Variants in NAV2 observed in about 807,000 individuals in gnomAD.
NAV2 encodes neuron navigator 2.
NAV2 carries 54 observed loss-of-function variants against 223.2 expected under a neutral mutation model. The ratio of observed to expected loss-of-function variants is 0.24; its 90% CI spans 0.19 to 0.30. NAV2 has a LOEUF of 0.30. Ranked by LOEUF, NAV2 falls within the 10% of genes least tolerant of loss-of-function variation. The pLI is 1.00. For synonymous variants in NAV2, 1,279 were observed against 1,239.3 expected (o/e 1.03, Z -0.67); for missense variants, 2,806 against 3,147.5 (o/e 0.89, Z 2.60).
At chr11:20,052,551 A>G (rs917071427) in intron 17 of NAV2, among the ~76,000 whole-genome samples, 5 of 152,214 alleles carry the variant, frequency 3.3e-5, no homozygotes, top group Admixed American at 2.0e-4. Context: ...GAGAAAGCTA[A>G]CTTCTAAATG....
intron 4 of NAV2, among the ~76,000 whole-genome samples, chr11:19,875,165 C>A (rs1269906104): frequency 6.6e-6 from 1 of 152,164 alleles, no homozygotes; most frequent in African/African-American, 2.4e-5. Flanking sequence ...TCAAAACGAA[C>A]AAAACTAGAT....
At chr11:19,546,413 C>T (rs1295725910) in intron 1 of NAV2, among the ~76,000 whole-genome samples, 1 of 152,218 alleles carries the variant, frequency 6.6e-6, no homozygotes, top group Admixed American at 6.5e-5. Flanking sequence ...GCCCAGATGG[C>T]AGAGGCTGAG....
intron 1 of NAV2, among the ~76,000 whole-genome samples, chr11:19,636,913 A>G (rs1322247217): frequency 6.6e-6 from 1 of 152,218 alleles, no homozygotes. Context: ...TGTGATAATG[A>G]GTTTCCTCTT....
chr11:20,077,951 A>G, intron 23 of NAV2, 42 bp from the exon 24 acceptor site: 1 of 1,503,750 alleles, frequency 6.7e-7, no homozygotes, highest in Non-Finnish European at 9.2e-7. Flanking sequence ...AACTCTGTAC[A>G]GAATGATTTT....
intron 12 of NAV2, among the ~76,000 whole-genome samples, chr11:20,038,224 G>A (rs1227489323): frequency 1.3e-5 from 2 of 152,126 alleles, no homozygotes; most frequent in South Asian, 4.1e-4. Flanking sequence ...CTTTCATCTT[G>A]TAAATGTCAC....
At chr11:19,858,097 C>T (rs754151821) in intron 3 of NAV2, among the ~76,000 whole-genome samples, 5 of 152,196 alleles carry the variant, frequency 3.3e-5, no homozygotes, top group Non-Finnish European at 7.3e-5. Context: ...ACCTTGTGAT[C>T]CACCTGCCTT....
intron 6 of NAV2, among the ~76,000 whole-genome samples, chr11:19,915,318 G>T (rs1350260594): frequency 2.6e-5 from 4 of 152,200 alleles, no homozygotes; most frequent in Non-Finnish European, 5.9e-5. Context: ...TGAGAAGAGG[G>T]AAATTGTAGC....
intron 11 of NAV2, among the ~76,000 whole-genome samples, chr11:19,999,513 C>T (rs540174165): frequency 2.0e-5 from 3 of 152,280 alleles, no homozygotes; most frequent in East Asian, 3.9e-4. Context: ...GGATTACAGG[C>T]ACCCGCCACC....
chr11:19,442,060 G>T (rs1283573268), intron 1 of NAV2, among the ~76,000 whole-genome samples: 1 of 152,208 alleles, frequency 6.6e-6, no homozygotes, highest in Non-Finnish European at 1.5e-5. Context: ...GGGCTGCTTG[G>T]GAACCACTGG....
rs759047624 is a variant in NAV2 at position 20,044,185 on chromosome 11, C to T, written c.3112C>T (p.Arg1038Trp). 21 of 1,614,160 alleles carry T rather than the reference C, an allele frequency of 1.3e-5. No individual in the cohort carries two copies. The highest frequency in any genetic ancestry group is 1.6e-5 in the Non-Finnish European group (19 of 1,180,010). ...NPVISQTGSW[R>W]RGMTAQVGIT... is the part of the protein sequence containing the mutation. ...TGTCATCTCCCAGACAGGCTCATGG[C>T]GGCGAGGCATGACAGCTCAGGTGGG... The change falls in exon 13 of 38, where the codon CGG (arginine) becomes TGG (tryptophan). Residue 1038 changes from arginine to tryptophan, a missense_variant. Physicochemically the swap from Arg to Trp is moderately radical, Grantham distance 101. Coordinates refer to ENST00000349880, the MANE Select transcript of NAV2 (RefSeq NM_145117.5).
chr11:20,018,807 T>A (rs1032312996), intron 11 of NAV2, among the ~76,000 whole-genome samples: 1 of 152,172 alleles, frequency 6.6e-6, no homozygotes, highest in Non-Finnish European at 1.5e-5. Flanking sequence ...TGGAATGTAA[T>A]TGGGCCAGAG....
chr11:19,794,346 A>G (rs1304925564), intron 1 of NAV2, among the ~76,000 whole-genome samples: 1 of 152,142 alleles, frequency 6.6e-6, no homozygotes, highest in Non-Finnish European at 1.5e-5. Context: ...GTTATAATGT[A>G]TCATCTTTCT....
chr11:19,381,326 C>T (rs538469021), intron 1 of NAV2, among the ~76,000 whole-genome samples: 1 of 152,204 alleles, frequency 6.6e-6, no homozygotes, highest in Non-Finnish European at 1.5e-5. Flanking sequence ...GACCCTAGCA[C>T]AGTCACTGGA....
chr11:19,980,409 A>G (rs965881036), intron 10 of NAV2, among the ~76,000 whole-genome samples: 10 of 152,182 alleles, frequency 6.6e-5, no homozygotes, highest in African/African-American at 2.4e-4. Context: ...AAGGAGAAGG[A>G]AAGTGTGGCA....
intron 19 of NAV2, among the ~76,000 whole-genome samples, chr11:20,059,912 C>T (rs2058600191): frequency 6.6e-6 from 1 of 152,226 alleles, no homozygotes; most frequent in South Asian, 2.1e-4. Context: ...TGACCTGGCT[C>T]AATTCCCTTG....
chr11:20,108,640 C>T (rs188617076), intron 36 of NAV2, among the ~76,000 whole-genome samples: 21 of 143,450 alleles, frequency 1.5e-4, no homozygotes, highest in Admixed American at 4.3e-4. Context: ...TTAGTAGATA[C>T]GGTGTTTCAC....
chr11:19,389,129 G>A (rs1849151938), intron 1 of NAV2, among the ~76,000 whole-genome samples: 1 of 152,164 alleles, frequency 6.6e-6, no homozygotes, highest in Non-Finnish European at 1.5e-5. Context: ...CTCCACTGAT[G>A]GAAGCAAAAC....
At chr11:20,102,729 C>G (rs765214366) in intron 32 of NAV2, among the ~76,000 whole-genome samples, 8 of 152,150 alleles carry the variant, frequency 5.3e-5, no homozygotes, top group Non-Finnish European at 1.2e-4. Context: ...TTACCCCAGG[C>G]ATGCAGGGCT....
intron 26 of NAV2, among the ~76,000 whole-genome samples, chr11:20,083,827 T>C (rs533733461): frequency 1.3e-5 from 2 of 152,378 alleles, no homozygotes; most frequent in South Asian, 4.1e-4. Context: ...AGTTAAATAC[T>C]ATGCATGAAG....
Sources: allele counts gnomAD v4.1 joint callset (sites outside exome capture counted in the v4.1 genomes callset), GRCh38; gene constraint gnomAD v4.1.1; transcripts MANE v1.5; gene names NCBI Gene and HGNC (gene_info 2026-07-23, HGNC 2026-07-21).